Variants in PJA2 observed in about 807,000 individuals in gnomAD.
The protein encoded by PJA2 is praja ring finger ubiquitin ligase 2.
In PJA2, 25 loss-of-function variants were observed where a neutral mutation model predicts 69.3. The observed-to-expected ratio is 0.36, with a 90% CI of 0.26 to 0.50. The LOEUF is 0.50. Among genes scored for constraint, PJA2 ranks in the 20% least tolerant of loss-of-function variants. The pLI is 0.96. For missense variants in PJA2, 809 were observed against 830.2 expected, an observed-to-expected ratio of 0.97 and a Z score of 0.31; for synonymous variants, 308 against 277.8, an observed-to-expected ratio of 1.11 and a Z score of -1.08.
intron 4 of PJA2, among the ~76,000 whole-genome samples, chr5:109,375,242 G>C (rs536718217): frequency 4.6e-5 from 7 of 152,134 alleles, no homozygotes; most frequent in Non-Finnish European, 5.9e-5. Flanking sequence ...GGGTGCAGTG[G>C]CTCACGCCTG....
chr5:109,389,465 T>C (rs1046694494), intron 1 of PJA2, among the ~76,000 whole-genome samples: 14 of 152,234 alleles, frequency 9.2e-5, no homozygotes, highest in African/African-American at 2.9e-4. Flanking sequence ...CAATTTAATA[T>C]AGAGAGGATC....
At chr5:109,385,323 T>TG (rs1249534424) in intron 1 of PJA2, among the ~76,000 whole-genome samples, 34 of 152,100 alleles carry the variant, frequency 2.2e-4, no homozygotes, top group African/African-American at 7.7e-4. Context: ...AAAATAAAGA[T>TG]GGTAAGAAAT....
chr5:109,369,758 A>T (rs992842700), intron 4 of PJA2, among the ~76,000 whole-genome samples: 2 of 152,218 alleles, frequency 1.3e-5, no homozygotes, highest in Non-Finnish European at 2.9e-5. Flanking sequence ...CAGGCCGGGC[A>T]TGGTGGCTCA....
chr5:109,404,350 G>A (rs866373863), intron 1 of PJA2, among the ~76,000 whole-genome samples: 12 of 151,356 alleles, frequency 7.9e-5, no homozygotes, highest in Admixed American at 2.6e-4. Flanking sequence ...GTAAAACCCC[G>A]TCTCTACTAA....
Position 109,354,381 on chromosome 5 carries a change from T to TGGATATCTATGATATCTAG in PJA2, c.1764+1533_1764+1534insCTAGATATCATAGATATCC, listed in dbSNP as rs1561346186. On this transcript the variant is annotated intron_variant, in intron 7 of 9. Coordinates refer to ENST00000361189, the MANE Select transcript of PJA2 (RefSeq NM_014819.5). ...TCTATATCTAGAGATATCTATAGAT[T>TGGATATCTATGATATCTAG]AGATATCTCTGATATCTAGAGATAT... is the stretch of plus-strand genomic sequence containing the variant. Among the ~76,000 whole-genome samples, 9 of 137,446 alleles carry TGGATATCTATGATATCTAG rather than the reference T, an allele frequency of 6.5e-5. 1 individual carries two copies. Among genetic ancestry groups the TGGATATCTATGATATCTAG allele is most frequent in the African/African-American group, 2.7e-4 (9 of 33,738 alleles). The allele number at this position is 137,446 out of a possible 152,430, so 90.2% of individuals were successfully genotyped here.
At chr5:109,344,575 G>T in intron 8 of PJA2, 130 bp downstream of exon 8, 1 of 680,116 alleles carries the variant, frequency 1.5e-6, no homozygotes, top group Non-Finnish European at 2.4e-6. Flanking sequence ...AAGTTTGTGA[G>T]CATCTGGTTT....
chr5:109,372,905 C>CAACAAAAAAAAAA (rs1491136790), intron 4 of PJA2, among the ~76,000 whole-genome samples: 3 of 35,698 alleles, frequency 8.4e-5, no homozygotes, highest in Admixed American at 4.9e-4. Context: ...CACTCCGTCT[C>CAACAAAAAAAAAA]AAAAAAAAAA....
At chr5:109,409,649 G>A (rs1747783152) in intron 1 of PJA2, among the ~76,000 whole-genome samples, 193 bp downstream of exon 1, 1 of 152,002 alleles carries the variant, frequency 6.6e-6, no homozygotes, top group Non-Finnish European at 1.5e-5. Flanking sequence ...GGGCCCAGGA[G>A]GCGAAGAAGG....
chr5:109,403,090 C>T (rs1448587693), intron 1 of PJA2, among the ~76,000 whole-genome samples: 1 of 151,622 alleles, frequency 6.6e-6, no homozygotes, highest in East Asian at 1.9e-4. Context: ...AAAGTTGACT[C>T]TGAAAAGATT....
At chr5:109,341,940 G>A (rs1321478445) in intron 9 of PJA2, among the ~76,000 whole-genome samples, 96 of 104,234 alleles carry the variant, frequency 9.2e-4, no homozygotes, top group African/African-American at 3.2e-3. Context: ...CTGCCCGGCC[G>A]CCCCTACTGG....
chr5:109,370,350 T>C (rs910525630), intron 4 of PJA2, among the ~76,000 whole-genome samples: 1 of 152,234 alleles, frequency 6.6e-6, no homozygotes, highest in Non-Finnish European at 1.5e-5. Context: ...ATGATTATTA[T>C]GTCAATACGC....
chr5:109,394,544 C>T (rs1271005453), intron 1 of PJA2, among the ~76,000 whole-genome samples: 1 of 151,826 alleles, frequency 6.6e-6, no homozygotes, highest in African/African-American at 2.4e-5. Flanking sequence ...TTTTGTTTTC[C>T]AACTTTTCTT....
rs986352390 is a variant in PJA2, at chr5:109,365,061, T to C, written c.1470-2039A>G. Among the ~76,000 whole-genome samples the C allele has an allele frequency of 2.0e-5, 3 of 152,226 alleles. No homozygotes were observed. The East Asian group carries it at 5.8e-4, about 29-fold the overall frequency. On this transcript the variant is annotated intron_variant, in intron 5 of 9. Coordinates refer to ENST00000361189, the MANE Select transcript of PJA2 (RefSeq NM_014819.5). ...TAAGAAAGTGACTAATTTAAGTTCT[T>C]TGTAGAGAAACCCGGCAAAAGCTAT... is the stretch of plus-strand genomic sequence containing the variant.
chr5:109,407,888 A>T (rs1295407552), intron 1 of PJA2, among the ~76,000 whole-genome samples: 5 of 152,162 alleles, frequency 3.3e-5, no homozygotes, highest in African/African-American at 1.2e-4. Flanking sequence ...CTGAGGAGAG[A>T]GACTCAATAC....
In PJA2 at chr5:109,383,761, T is replaced by C. The variant is rs1048351652; in HGVS notation, c.-87-241A>G. Among the ~76,000 whole-genome samples, 4 of 152,094 alleles carry C rather than the reference T, an allele frequency of 2.6e-5. No individual in the cohort carries two copies. In the East Asian group the frequency reaches 7.7e-4, roughly 29 times the overall value. Reference sequence around the variant, plus strand: ...CAACCTGGCCAACATGGTGAAAGTCTGTCTCTGCAAGAAATACAAAAATTA... The same window carrying C: ...CAACCTGGCCAACATGGTGAAAGTCCGTCTCTGCAAGAAATACAAAAATTA... On this transcript the variant is annotated intron_variant, in intron 1 of 9. Transcript: ENST00000361189.
intron 1 of PJA2, among the ~76,000 whole-genome samples, chr5:109,384,138 G>T (rs1372654814): frequency 6.6e-6 from 1 of 152,142 alleles, no homozygotes; most frequent in Admixed American, 6.5e-5. Context: ...ACTGACTCAG[G>T]TATGTAACCA....
Position 109,379,270 on chromosome 5 carries a change from A to G in PJA2, c.233-16T>C. 2.0e-6 allele frequency: 3 copies of G among 1,534,752 alleles called. No homozygotes were observed. Among genetic ancestry groups the G allele is most frequent in the Non-Finnish European group, 2.6e-6 (3 of 1,136,546 alleles). ...GGACTGGAACCTTCATAAAAAACAA[A>G]AGAAAACATATTTTAAAGGATTAAC... On this transcript the variant is annotated splice_polypyrimidine_tract_variant and intron_variant, in intron 3 of 9. Coordinates refer to ENST00000361189, the MANE Select transcript of PJA2 (RefSeq NM_014819.5).
At chr5:109,374,065 T>C (rs984710436) in intron 4 of PJA2, among the ~76,000 whole-genome samples, 3 of 152,226 alleles carry the variant, frequency 2.0e-5, no homozygotes, top group Admixed American at 6.5e-5. Flanking sequence ...TGGAACTTTT[T>C]ACCACTATTA....
In PJA2 at chr5:109,402,778, T is replaced by C. The variant is rs564275671; in HGVS notation, c.-88+7064A>G. 2.3e-3 allele frequency among the ~76,000 whole-genome samples: 343 copies of C among 152,108 alleles called. 1 individual carries two copies. The highest frequency in any genetic ancestry group is 6.8e-3 in the Middle Eastern group (2 of 294). ...TGGTCATAAAACAAATATCAAAGAA[T>C]TTAAAATAAATTATACAAAGAAAGA... On this transcript the variant is annotated intron_variant, in intron 1 of 9. Transcript: ENST00000361189.
Sources: gnomAD v4.1 joint callset for allele counts (sites outside exome capture counted in the v4.1 genomes callset) on GRCh38, gnomAD v4.1.1 for gene constraint, MANE v1.5 for transcripts, NCBI Gene and HGNC (gene_info 2026-07-23, HGNC 2026-07-21) for gene names.